The following CATSPERT variants were observed in gnomAD, a reference collection of about 807,000 sequenced individuals.
The protein encoded by CATSPERT is catsper channel auxiliary subunit tau.
the CATSPERT span, chr2:201,493,829 T>A: frequency 8.5e-6 from 13 of 1,536,148 alleles, no homozygotes; most frequent in Non-Finnish European, 1.1e-5. Context: ...TTGGTACTAC[T>A]ATTTTTTTTA....
At chr2:201,612,499 G>A in the CATSPERT span, among the ~76,000 whole-genome samples, 13 of 151,862 alleles carry the variant, frequency 8.6e-5, no homozygotes, top group East Asian at 3.9e-4. Context: ...ACTTGAACCC[G>A]GGAGGCGGAG....
chr2:201,575,201 A>T, the CATSPERT span: 2 of 1,175,690 alleles, frequency 1.7e-6, no homozygotes, highest in South Asian at 3.8e-5. Flanking sequence ...GGCTACAAAT[A>T]ATATCAGAGT....
chr2:201,582,247 C>A, the CATSPERT span: 1 of 1,562,868 alleles, frequency 6.4e-7, no homozygotes. Flanking sequence ...AGAAAAGAAG[C>A]ATTAAATTTG....
At chr2:201,582,781 T>C in the CATSPERT span, among the ~76,000 whole-genome samples, 746 of 152,308 alleles carry the variant, frequency 4.9e-3, 6 homozygotes, top group African/African-American at 0.017. Context: ...TTAATATCTG[T>C]ACACTATTGC....
the CATSPERT span, among the ~76,000 whole-genome samples, chr2:201,521,603 G>T: frequency 6.6e-6 from 1 of 152,100 alleles, no homozygotes; most frequent in Non-Finnish European, 1.5e-5. Context: ...ATTACATTTG[G>T]GTGGGGATGC....
the CATSPERT span, chr2:201,619,094 T>C: frequency 6.2e-7 from 1 of 1,614,184 alleles, no homozygotes; most frequent in Non-Finnish European, 8.5e-7. Flanking sequence ...TTATCAAGTG[T>C]GCTGAAAGGC....
At chr2:201,591,487 T>G in the CATSPERT span, among the ~76,000 whole-genome samples, 6 of 152,122 alleles carry the variant, frequency 3.9e-5, no homozygotes, top group East Asian at 9.7e-4. Flanking sequence ...TGGTTCCATA[T>G]GAACTTTAAA....
At chr2:201,490,098 C>G in the CATSPERT span, among the ~76,000 whole-genome samples, 11 of 152,282 alleles carry the variant, frequency 7.2e-5, no homozygotes, top group Non-Finnish European at 5.9e-5. Context: ...CTCAAGTGAT[C>G]CACCTGCCTC....
chr2:201,542,398 G>C, the CATSPERT span, among the ~76,000 whole-genome samples: 1 of 152,154 alleles, frequency 6.6e-6, no homozygotes, highest in Admixed American at 6.5e-5. Context: ...AAGTGAAATG[G>C]CAGGATCATA....
chr2:201,565,884 T>C, the CATSPERT span: 1 of 1,568,776 alleles, frequency 6.4e-7, no homozygotes, highest in Non-Finnish European at 8.6e-7. Context: ...TGCAAAATAA[T>C]AATAAAGTGA....
the CATSPERT span, among the ~76,000 whole-genome samples, chr2:201,594,387 C>T: frequency 2.0e-5 from 3 of 152,080 alleles, no homozygotes; most frequent in East Asian, 3.9e-4. Context: ...GGTAACCCGA[C>T]CTTTCTCTCT....
chr2:201,534,313 C>T, the CATSPERT span: 4 of 802,246 alleles, frequency 5.0e-6, no homozygotes, highest in East Asian at 5.0e-4. Context: ...GTCAACCCCA[C>T]AGTATCTTGA....
the CATSPERT span, among the ~76,000 whole-genome samples, chr2:201,597,748 G>A: frequency 0.88 from 133,360 of 152,052 alleles, 59,488 homozygotes; most frequent in South Asian, 0.98. Flanking sequence ...AGACGAGTGA[G>A]TCCAATACCA....
chr2:201,495,938 G>A, the CATSPERT span: 3 of 1,596,838 alleles, frequency 1.9e-6, no homozygotes, highest in Non-Finnish European at 2.6e-6. Context: ...TCTGAAAGAT[G>A]GTGAATTATA....
the CATSPERT span, among the ~76,000 whole-genome samples, chr2:201,524,955 A>C: frequency 6.6e-6 from 1 of 152,248 alleles, no homozygotes; most frequent in East Asian, 1.9e-4. Context: ...TGGAGCACCC[A>C]GATACATGAA....
At chr2:201,590,561 A>G in the CATSPERT span, among the ~76,000 whole-genome samples, 1 of 152,102 alleles carries the variant, frequency 6.6e-6, no homozygotes, top group Non-Finnish European at 1.5e-5. Flanking sequence ...GAATGGCCAC[A>G]CTGACTTCCA....
chr2:201,614,656 C>G, the CATSPERT span, among the ~76,000 whole-genome samples: 1 of 152,118 alleles, frequency 6.6e-6, no homozygotes, highest in Non-Finnish European at 1.5e-5. Flanking sequence ...ATCAACTAAC[C>G]AGCAAAATAA....
chr2:201,583,523 A>G, the CATSPERT span, among the ~76,000 whole-genome samples: 10 of 152,252 alleles, frequency 6.6e-5, no homozygotes, highest in Non-Finnish European at 1.3e-4. Context: ...GGTAAACATT[A>G]TATTATGTAT....
At chr2:201,619,131 C>T in the CATSPERT span, 5 of 1,614,094 alleles carry the variant, frequency 3.1e-6, no homozygotes, top group African/African-American at 1.3e-5. Flanking sequence ...GTGGCTCCAT[C>T]TCTCCATCTT....
Sources: gnomAD v4.1 joint callset for allele counts (sites outside exome capture counted in the v4.1 genomes callset) on GRCh38, gnomAD v4.1.1 for gene constraint, MANE v1.5 for transcripts, NCBI Gene and HGNC (gene_info 2026-07-23, HGNC 2026-07-21) for gene names.